Variants in AUTS2 observed in about 807,000 individuals in gnomAD.
AUTS2 encodes activator of transcription and developmental regulator AUTS2, also known as autism susceptibility gene 2 protein.
A neutral mutation model predicts 112.4 loss-of-function variants in AUTS2; 17 were observed. That is an observed-to-expected ratio of 0.15 (90% CI 0.10 to 0.23). AUTS2 has a LOEUF of 0.23. Among genes scored for constraint, AUTS2 ranks in the 10% least tolerant of loss-of-function variants. The pLI, the probability that AUTS2 is intolerant of heterozygous loss-of-function variation, is 1.00. For missense variants in AUTS2, 1,510 were observed against 1,701.6 expected (o/e 0.89, Z 1.98); for synonymous variants, 751 against 702.7 (o/e 1.07, Z -1.09).
At chr7:69,783,874 A>T (rs10268729) in intron 1 of AUTS2, among the ~76,000 whole-genome samples, 15,166 of 152,204 alleles carry the variant, frequency 0.1, 1,208 homozygotes, top group African/African-American at 0.22. Flanking sequence ...GATGTCTCTT[A>T]AAGCCAATTT....
At chr7:70,291,323 A>T (rs1170909990) in intron 4 of AUTS2, 1 of 152,216 alleles carries the variant, frequency 6.6e-6, no homozygotes, top group Admixed American at 6.5e-5. Flanking sequence ...TCAAAAAGGC[A>T]TTTGAAGCAA....
intron 4 of AUTS2, among the ~76,000 whole-genome samples, chr7:70,408,396 G>A (rs1794633212): frequency 6.6e-6 from 1 of 152,138 alleles, no homozygotes; most frequent in Non-Finnish European, 1.5e-5. Context: ...CAAGAGTGGT[G>A]GAGAATGAAT....
chr7:69,956,248 T>G (rs986687101), intron 2 of AUTS2, among the ~76,000 whole-genome samples: 2 of 152,090 alleles, frequency 1.3e-5, no homozygotes, highest in Non-Finnish European at 2.9e-5. Context: ...TTTCAAAACA[T>G]TTTTTGTCCC....
chr7:70,404,992 T>C (rs577968422), intron 4 of AUTS2, among the ~76,000 whole-genome samples: 3 of 152,206 alleles, frequency 2.0e-5, no homozygotes, highest in Non-Finnish European at 4.4e-5. Context: ...TTGCCCTTTA[T>C]GCCAGCTGCT....
chr7:70,106,521 A>G (rs1285563808), intron 2 of AUTS2, among the ~76,000 whole-genome samples: 3 of 152,128 alleles, frequency 2.0e-5, no homozygotes, highest in Non-Finnish European at 2.9e-5. Flanking sequence ...GGAATTCGAG[A>G]CCAGCCTTGG....
intron 2 of AUTS2, among the ~76,000 whole-genome samples, chr7:69,958,181 A>T (rs1486024660): frequency 5.3e-5 from 8 of 152,028 alleles, no homozygotes; most frequent in Admixed American, 5.2e-4. Flanking sequence ...GCCAATCCCG[A>T]CCTGGTATCT....
chr7:70,606,863 G>GAAAAAAA (rs35779844), intron 5 of AUTS2, among the ~76,000 whole-genome samples: 1 of 89,468 alleles, frequency 1.1e-5, no homozygotes, highest in African/African-American at 4.4e-5. Flanking sequence ...TCTGTCTCAA[G>GAAAAAAA]AAAAAAAAAA....
At chr7:70,368,383 A>C (rs1792681845) in intron 4 of AUTS2, among the ~76,000 whole-genome samples, 1 of 152,162 alleles carries the variant, frequency 6.6e-6, no homozygotes, top group Non-Finnish European at 1.5e-5. Context: ...ATGAGTAGAC[A>C]TGGGATTTGA....
At chr7:70,400,943 A>G (rs910223873) in intron 4 of AUTS2, among the ~76,000 whole-genome samples, 4 of 152,224 alleles carry the variant, frequency 2.6e-5, no homozygotes, top group Admixed American at 2.6e-4. Context: ...GCAGCAGCGT[A>G]CAAGATGGAT....
intron 1 of AUTS2, among the ~76,000 whole-genome samples, chr7:69,885,499 A>C (rs1794235409): frequency 6.6e-6 from 1 of 152,230 alleles, no homozygotes; most frequent in Non-Finnish European, 1.5e-5. Flanking sequence ...GTGGAGGTGC[A>C]CAGAAGGATT....
At chr7:69,710,066 T>C (rs1166807334) in intron 1 of AUTS2, among the ~76,000 whole-genome samples, 1 of 152,170 alleles carries the variant, frequency 6.6e-6, no homozygotes, top group Non-Finnish European at 1.5e-5. Flanking sequence ...TGGCCAGCCC[T>C]CTAAATTGTA....
chr7:69,938,048 G>A (rs534526022), intron 2 of AUTS2, among the ~76,000 whole-genome samples: 1 of 152,264 alleles, frequency 6.6e-6, no homozygotes, highest in African/African-American at 2.4e-5. Flanking sequence ...TCTGCCTTTA[G>A]GATTCTCCTG....
chr7:70,081,818 G>A (rs1029114025), intron 2 of AUTS2, among the ~76,000 whole-genome samples: 10 of 152,108 alleles, frequency 6.6e-5, no homozygotes, highest in Admixed American at 3.3e-4. Context: ...GTTACTTTCA[G>A]CATATGGAAA....
At chr7:70,711,267 C>T (rs1040941330) in intron 6 of AUTS2, among the ~76,000 whole-genome samples, 3 of 152,200 alleles carry the variant, frequency 2.0e-5, no homozygotes, top group African/African-American at 7.2e-5. Context: ...AAACTGCCTA[C>T]TCTGAGGGTT....
chr7:70,298,295 G>C (rs1212410174), intron 4 of AUTS2, among the ~76,000 whole-genome samples: 1 of 152,138 alleles, frequency 6.6e-6, no homozygotes, highest in Admixed American at 6.5e-5. Flanking sequence ...GCCCCGCAAA[G>C]TGCTGGGATT....
intron 7 of AUTS2, among the ~76,000 whole-genome samples, chr7:70,764,186 G>C (rs1789756784): frequency 1.3e-5 from 2 of 152,198 alleles, no homozygotes; most frequent in Non-Finnish European, 2.9e-5. Flanking sequence ...ACAGTCTTTG[G>C]GGGGCAGGTT....
Position 70,784,954 on chromosome 7 carries a change from C to A in AUTS2, c.2159C>A (p.Pro720Gln), listed in dbSNP as rs748688052. Reference sequence around the variant, plus strand: ...TTTGACTTAACAGGTGCTGCACACCCAACTGGGACCCCTTTTGGGCCACCT... The same window carrying A: ...TTTGACTTAACAGGTGCTGCACACCAAACTGGGACCCCTTTTGGGCCACCT... ...TLFSAAGAAH[P>Q]TGTPFGPPPH... Residue 720 changes from proline to glutamine, a missense_variant, in exon 16 of 19, where the codon CCA becomes CAA. By Grantham distance (76) the Pro-to-Gln change is moderately conservative. Transcript: ENST00000342771. The A allele has an allele frequency of 3.7e-6, 6 of 1,614,094 alleles. No individual in the cohort carries two copies. The South Asian group carries it at 6.6e-5, about 18-fold the overall frequency.
At chr7:70,194,420 A>G (rs1810065740) in intron 4 of AUTS2, among the ~76,000 whole-genome samples, 3 of 152,162 alleles carry the variant, frequency 2.0e-5, no homozygotes. Context: ...AAATAAATAA[A>G]TAAATAAAAA....
intron 4 of AUTS2, among the ~76,000 whole-genome samples, chr7:70,427,127 T>C (rs1795470582): frequency 1.3e-5 from 2 of 152,162 alleles, no homozygotes; most frequent in South Asian, 4.1e-4. Flanking sequence ...AACACTGTGG[T>C]CTCATAATAA....
Sources: allele counts gnomAD v4.1 joint callset (sites outside exome capture counted in the v4.1 genomes callset), GRCh38; gene constraint gnomAD v4.1.1; transcripts MANE v1.5; gene names NCBI Gene and HGNC (gene_info 2026-07-23, HGNC 2026-07-21).